The following GPC5 variants were observed in gnomAD, a reference collection of about 807,000 sequenced individuals.
GPC5 encodes the protein glypican 5, also known as glypican-5.
In GPC5, 47 loss-of-function variants were observed where a neutral mutation model predicts 53.9. That is an observed-to-expected ratio of 0.87 (90% confidence interval 0.69 to 1.11). The LOEUF is 1.11. Among genes scored for constraint, GPC5 ranks in the 50% most tolerant of loss-of-function variants. The pLI is 0.00. For missense variants in GPC5, 748 were observed against 713.1 expected (o/e 1.05, Z -0.56); for synonymous variants, 286 against 263.3 (o/e 1.09, Z -0.84).
intron 7 of GPC5, among the ~76,000 whole-genome samples, chr13:92,336,409 G>A (rs1436597364): frequency 5.3e-5 from 8 of 151,996 alleles, no homozygotes; most frequent in Non-Finnish European, 1.2e-4. Context: ...ATTTGTATGA[G>A]GCCAAAAATA....
At chr13:92,095,384 G>A (rs897239453) in intron 6 of GPC5, among the ~76,000 whole-genome samples, 7 of 151,618 alleles carry the variant, frequency 4.6e-5, no homozygotes, top group Middle Eastern at 6.9e-3. Context: ...GTCTCTCTTC[G>A]TCATCCAGGC....
chr13:91,943,406 C>T (rs1327906108), intron 6 of GPC5, among the ~76,000 whole-genome samples: 1 of 151,154 alleles, frequency 6.6e-6, no homozygotes, highest in African/African-American at 2.4e-5. Context: ...TCAGTGTGAT[C>T]ACATGGTTAT....
intron 2 of GPC5, among the ~76,000 whole-genome samples, chr13:91,456,924 A>T (rs1881599839): frequency 6.6e-6 from 1 of 151,438 alleles, no homozygotes; most frequent in Non-Finnish European, 1.5e-5. Context: ...ATGTTTTAAT[A>T]TTGAAAGTAG....
chr13:91,990,572 T>C (rs2040447757), intron 6 of GPC5, among the ~76,000 whole-genome samples: 1 of 152,238 alleles, frequency 6.6e-6, no homozygotes, highest in Non-Finnish European at 1.5e-5. Context: ...TAATTAACTT[T>C]TAATATGTTT....
chr13:91,681,144 T>C (rs751855672), intron 2 of GPC5, among the ~76,000 whole-genome samples: 2 of 152,164 alleles, frequency 1.3e-5, no homozygotes, highest in Non-Finnish European at 2.9e-5. Flanking sequence ...GAGCTACATA[T>C]GTAAATGTGA....
intron 6 of GPC5, among the ~76,000 whole-genome samples, chr13:91,964,165 T>C (rs1235527585): frequency 2.0e-5 from 3 of 152,144 alleles, no homozygotes; most frequent in African/African-American, 4.8e-5. Flanking sequence ...GACTTCAGGA[T>C]TGAAGCTGCA....
At position 92,385,373 on chromosome 13, in the gene GPC5, CATATATACAT is replaced by C. The variant is rs1330558078; in HGVS notation, c.1561+240400_1561+240409del. Among the ~76,000 whole-genome samples, 41 of 78,560 alleles carry C rather than the reference CATATATACAT, an allele frequency of 5.2e-4. 2 individuals are homozygous for C. The highest frequency in any genetic ancestry group is 1.1e-3 in the African/African-American group (22 of 20,044). The allele number at this position is 78,560 out of a possible 152,430, so 51.5% of individuals were successfully genotyped here. ...ATATATACATATATACATATATATA[CATATATACAT>C]ATATATACATATATACACATATATA... On this transcript the variant is annotated intron_variant, in intron 7 of 7. Transcript: ENST00000377067.
intron 7 of GPC5, among the ~76,000 whole-genome samples, chr13:92,237,450 C>T (rs2042578974): frequency 6.6e-6 from 1 of 152,110 alleles, no homozygotes; most frequent in South Asian, 2.1e-4. Context: ...GATCCCTTGA[C>T]CTCATGATCT....
intron 7 of GPC5, among the ~76,000 whole-genome samples, chr13:92,620,838 A>T (rs1313477192): frequency 1.3e-5 from 2 of 152,226 alleles, no homozygotes; most frequent in African/African-American, 4.8e-5. Context: ...TTCCCATATC[A>T]CTATCTTTAA....
chr13:91,400,381 G>A (rs1028955097), intron 1 of GPC5, among the ~76,000 whole-genome samples: 3 of 152,186 alleles, frequency 2.0e-5, no homozygotes, highest in Admixed American at 6.5e-5. Context: ...TACATGACCA[G>A]TCTTAAACCC....
rs530861255 is a variant in GPC5 at position 92,296,881 on chromosome 13, C to CG, written c.1561+151895dup. On this transcript the variant is annotated intron_variant, in intron 7 of 7. Coordinates refer to ENST00000377067, the MANE Select transcript of GPC5 (RefSeq NM_004466.6). Reference sequence around the variant, plus strand: ...ACTGGCGCTGTGCTCGATTTCTCGCCGGGCCTTAGCTGCCTTCCCGCAGGG... The same window carrying CG: ...ACTGGCGCTGTGCTCGATTTCTCGCCGGGGCCTTAGCTGCCTTCCCGCAGGG... Among the ~76,000 whole-genome samples the CG allele has an allele frequency of 4.6e-3, 696 of 152,340 alleles. 6 individuals are homozygous for CG. The highest frequency in any genetic ancestry group is 0.016 in the African/African-American group (662 of 41,576).
intron 7 of GPC5, among the ~76,000 whole-genome samples, chr13:92,611,491 G>A (rs1177633672): frequency 2.0e-5 from 3 of 152,018 alleles, no homozygotes; most frequent in Non-Finnish European, 4.4e-5. Context: ...GTAACATAAT[G>A]TATTCAAAGT....
At chr13:91,555,851 T>G (rs1418733467) in intron 2 of GPC5, among the ~76,000 whole-genome samples, 1 of 152,046 alleles carries the variant, frequency 6.6e-6, no homozygotes, top group African/African-American at 2.4e-5. Flanking sequence ...CTGAAAGTTA[T>G]TCACTACCAT....
chr13:92,531,913 A>G (rs990644803), intron 7 of GPC5, among the ~76,000 whole-genome samples: 29 of 152,174 alleles, frequency 1.9e-4, no homozygotes, highest in Admixed American at 1.4e-3. Flanking sequence ...TTTTTCATTT[A>G]AAAGTAATCA....
At chr13:92,268,925 TATTA>T (rs1454478727) in intron 7 of GPC5, among the ~76,000 whole-genome samples, 1 of 152,128 alleles carries the variant, frequency 6.6e-6, no homozygotes, top group Non-Finnish European at 1.5e-5. Context: ...TATACGTTTT[TATTA>T]ATTGTAGATC....
intron 2 of GPC5, among the ~76,000 whole-genome samples, chr13:91,510,432 T>C (rs1885175495): frequency 6.6e-6 from 1 of 152,238 alleles, no homozygotes; most frequent in South Asian, 2.1e-4. Context: ...CCATGCTGTC[T>C]GGTTCCAGAG....
chr13:92,503,960 T>C (rs1443756355), intron 7 of GPC5, among the ~76,000 whole-genome samples: 10 of 151,980 alleles, frequency 6.6e-5, no homozygotes, highest in Non-Finnish European at 1.3e-4. Context: ...CTTTGTTTAC[T>C]TTGTTTTGAA....
intron 2 of GPC5, among the ~76,000 whole-genome samples, chr13:91,509,357 A>G (rs540614382): frequency 1.0e-3 from 102 of 99,842 alleles, no homozygotes; most frequent in Non-Finnish European, 1.9e-3. Context: ...AAAATATTCT[A>G]TGAAGTTACT....
chr13:92,385,728 CATGTATATAT>C (rs1566568138), intron 7 of GPC5, among the ~76,000 whole-genome samples: 1 of 134,208 alleles, frequency 7.5e-6, no homozygotes, highest in African/African-American at 2.8e-5. Flanking sequence ...TACATATATA[CATGTATATAT>C]ACGTATATAT....
Sources: gnomAD v4.1 joint callset for allele counts (sites outside exome capture counted in the v4.1 genomes callset) on GRCh38, gnomAD v4.1.1 for gene constraint, MANE v1.5 for transcripts, NCBI Gene and HGNC (gene_info 2026-07-23, HGNC 2026-07-21) for gene names.